Variants in ROR2 observed in about 807,000 individuals in gnomAD.
The protein encoded by ROR2 is ROR family WNT receptor 2, also known as tyrosine-protein kinase transmembrane receptor ROR2.
ROR2 carries 33 observed loss-of-function variants against 74.9 expected under a neutral mutation model. The ratio of observed to expected loss-of-function variants is 0.44; its 90% confidence interval spans 0.33 to 0.59. ROR2 has a LOEUF of 0.59. Among genes scored for constraint, ROR2 ranks in the 20% least tolerant of loss-of-function variants. The pLI, the probability that ROR2 is intolerant of heterozygous loss-of-function variation, is 0.02. For missense variants in ROR2, 1,216 were observed against 1,313.8 expected (o/e 0.93, Z 1.15); for synonymous variants, 586 against 558.7 (o/e 1.05, Z -0.69).
At chr9:91,865,418 G>A (rs1239718033) in intron 1 of ROR2, among the ~76,000 whole-genome samples, 1 of 152,176 alleles carries the variant, frequency 6.6e-6, no homozygotes, top group African/African-American at 2.4e-5. Flanking sequence ...CATGACTGTA[G>A]TATCATTAGT....
At chr9:91,793,871 A>T (rs1827085680) in intron 1 of ROR2, among the ~76,000 whole-genome samples, 1 of 152,232 alleles carries the variant, frequency 6.6e-6, no homozygotes, top group African/African-American at 2.4e-5. Flanking sequence ...GTAAACTGGG[A>T]TAGGAAAGAG....
chr9:91,760,361 C>T (rs58462029), intron 2 of ROR2, among the ~76,000 whole-genome samples: 8,076 of 152,258 alleles, frequency 0.053, 292 homozygotes, highest in East Asian at 0.1. Context: ...GGGCTAGGTG[C>T]GGTGGCTCAC....
rs773820153 is a variant in ROR2, at chr9:91,726,698, GGGACCAAGATGTACAGAATCCCCATC to G, written c.1203_1228del (p.Lys401AsnfsTer22). The G allele has an allele frequency of 6.2e-7, 1 of 1,613,824 alleles. No homozygotes were observed. Among genetic ancestry groups the G allele is most frequent in the Non-Finnish European group, 8.5e-7 (1 of 1,180,016 alleles). The stretch of plus-strand genomic sequence containing the variant: ...GATGACCAGTGGAATTGCGATGCTG[GGGACCAAGATGTACAGAATCCCCATC>G]TTGCTGCTGTCTCGGGGACCTGTGA... On this transcript the variant is annotated frameshift_variant, in exon 8 of 9. Transcript: ENST00000375708. LOFTEE classifies it high-confidence loss of function.
intron 1 of ROR2, among the ~76,000 whole-genome samples, chr9:91,831,637 T>C (rs1297998982): frequency 6.6e-6 from 1 of 152,090 alleles, no homozygotes; most frequent in Non-Finnish European, 1.5e-5. Flanking sequence ...TAGCCTGGCA[T>C]GGTGGCGCAT....
At chr9:91,874,056 T>C (rs1829882870) in intron 1 of ROR2, among the ~76,000 whole-genome samples, 1 of 152,184 alleles carries the variant, frequency 6.6e-6, no homozygotes, top group Admixed American at 6.5e-5. Context: ...TCTCTGCCCA[T>C]AGAAAATCAA....
Position 91,845,103 on chromosome 9 carries a change from G to A in ROR2, c.98-69285C>T, listed in dbSNP as rs139140003. Among the ~76,000 whole-genome samples the A allele has an allele frequency of 2.6e-3, 403 of 152,100 alleles. 1 individual carries two copies. The highest frequency in any genetic ancestry group is 9.0e-3 in the African/African-American group (374 of 41,510). ...GTATTTTCTGCCCTCCCCACCCTAC[G>A]CCCAAGGTGTAATGAGGAAACTTTC... is the stretch of plus-strand genomic sequence containing the variant. On this transcript the variant is annotated intron_variant, in intron 1 of 8. Coordinates refer to ENST00000375708, the MANE Select transcript of ROR2 (RefSeq NM_004560.4).
chr9:91,850,329 C>A (rs1829051393), intron 1 of ROR2, among the ~76,000 whole-genome samples: 1 of 152,308 alleles, frequency 6.6e-6, no homozygotes, highest in Middle Eastern at 3.4e-3. Flanking sequence ...TTGTAATCCC[C>A]AGAACCTGTG....
intron 1 of ROR2, among the ~76,000 whole-genome samples, chr9:91,870,310 T>G (rs928752781): frequency 6.6e-6 from 1 of 152,224 alleles, no homozygotes; most frequent in Non-Finnish European, 1.5e-5. Context: ...CACCATCATG[T>G]GCCTACAGCC....
At chr9:91,874,015 C>T (rs1829882102) in intron 1 of ROR2, among the ~76,000 whole-genome samples, 2 of 152,132 alleles carry the variant, frequency 1.3e-5, no homozygotes, top group South Asian at 4.1e-4. Flanking sequence ...GCTTCTTTTG[C>T]TCTGATGAAC....
At chr9:91,849,158 C>T (rs1012091564) in intron 1 of ROR2, among the ~76,000 whole-genome samples, 2 of 152,158 alleles carry the variant, frequency 1.3e-5, no homozygotes, top group Non-Finnish European at 2.9e-5. Flanking sequence ...GGACCAAACC[C>T]TTTCTTGAGT....
chr9:91,917,571 AG>A (rs1479928605), intron 1 of ROR2, among the ~76,000 whole-genome samples: 1 of 152,232 alleles, frequency 6.6e-6, no homozygotes, highest in Non-Finnish European at 1.5e-5. Flanking sequence ...AAGCATGCCC[AG>A]GAAGACCTGG....
At chr9:91,780,050 C>T (rs530909936) in intron 1 of ROR2, among the ~76,000 whole-genome samples, 1 of 152,300 alleles carries the variant, frequency 6.6e-6, no homozygotes, top group South Asian at 2.1e-4. Context: ...TTAAGAGAGT[C>T]ACATCAGGCC....
intron 1 of ROR2, among the ~76,000 whole-genome samples, chr9:91,912,950 G>A (rs1019480750): frequency 5.3e-4 from 81 of 152,250 alleles, no homozygotes; most frequent in African/African-American, 1.7e-3. Context: ...CCAACATGGC[G>A]AAACCCTGTC....
At chr9:91,931,372 T>C (rs886778447) in intron 1 of ROR2, among the ~76,000 whole-genome samples, 2 of 152,198 alleles carry the variant, frequency 1.3e-5, no homozygotes, top group African/African-American at 4.8e-5. Context: ...TCAGTAAGGC[T>C]CTGTCATGAA....
At chr9:91,746,572 C>T (rs558787353) in intron 4 of ROR2, among the ~76,000 whole-genome samples, 62 of 152,198 alleles carry the variant, frequency 4.1e-4, no homozygotes, top group African/African-American at 1.4e-3. Context: ...GCGGTGCCTT[C>T]GAATCATCCA....
At chr9:91,871,158 T>C (rs915344270) in intron 1 of ROR2, among the ~76,000 whole-genome samples, 4 of 152,248 alleles carry the variant, frequency 2.6e-5, no homozygotes, top group Admixed American at 6.5e-5. Context: ...CTCAAAACTC[T>C]AACATGCAGC....
chr9:91,829,032 G>C lies in ROR2; in HGVS notation c.98-53214C>G, dbSNP rs184194073. Among the ~76,000 whole-genome samples, 11 of 152,310 alleles carry C rather than the reference G, an allele frequency of 7.2e-5. 1 individual carries two copies. The highest frequency in any genetic ancestry group is 7.2e-4 in the Admixed American group (11 of 15,300). ...AATGGCTAAATGATTAGAAACATCA[G>C]AGGATAAACACTAGCTGGGCACTAG... On this transcript the variant is annotated intron_variant, in intron 1 of 8. Coordinates refer to ENST00000375708, the MANE Select transcript of ROR2 (RefSeq NM_004560.4).
chr9:91,802,570 A>T (rs760893166), intron 1 of ROR2, among the ~76,000 whole-genome samples: 1 of 152,192 alleles, frequency 6.6e-6, no homozygotes, highest in Non-Finnish European at 1.5e-5. Flanking sequence ...ATTTAAACAC[A>T]GGCAACTTCA....
At chr9:91,899,745 A>G (rs1830624621) in intron 1 of ROR2, among the ~76,000 whole-genome samples, 1 of 152,146 alleles carries the variant, frequency 6.6e-6, no homozygotes, top group African/African-American at 2.4e-5. Context: ...AAGCACACAC[A>G]TATACACTCA....
Sources: allele counts gnomAD v4.1 joint callset (sites outside exome capture counted in the v4.1 genomes callset), GRCh38; gene constraint gnomAD v4.1.1; transcripts MANE v1.5; gene names NCBI Gene and HGNC (gene_info 2026-07-23, HGNC 2026-07-21).